FBXO28: variants seen among roughly 807,000 people sequenced by gnomAD.
FBXO28 encodes the protein F-box only protein 28.
Under a neutral mutation model 38.1 loss-of-function variants are expected in FBXO28, and 8 were observed. That is an observed-to-expected ratio of 0.21 (90% CI 0.12 to 0.38). The LOEUF (loss-of-function observed/expected upper bound fraction) is 0.38, where lower values mean the gene tolerates loss of function less well. FBXO28 is among the 10% of genes least tolerant of loss of function. The probability of loss-of-function intolerance (pLI) is 1.00; values close to 1 mark genes in which losing one functional copy is unlikely to be tolerated. For missense variants in FBXO28, 345 were observed against 460.6 expected (o/e 0.75, Z 2.30); for synonymous variants, 168 against 173.8 (o/e 0.97, Z 0.26).
chr1:224,138,105 A>G (rs1657239527), intron 3 of FBXO28, among the ~76,000 whole-genome samples: 1 of 151,372 alleles, frequency 6.6e-6, no homozygotes, highest in South Asian at 2.1e-4. Flanking sequence ...GCAGGCACCT[A>G]TAGTCCCAGC....
chr1:224,139,764 G>GCATGCATGCATACATACATACATACATA (rs1386239166), intron 3 of FBXO28, among the ~76,000 whole-genome samples: 13 of 145,936 alleles, frequency 8.9e-5, no homozygotes, highest in African/African-American at 1.6e-4. Context: ...ATGCATGCAT[G>GCATGCATGCATACATACATACATACATA]CATACATACA....
chr1:224,138,189 G>C (rs993617672), intron 3 of FBXO28, among the ~76,000 whole-genome samples: 1 of 151,586 alleles, frequency 6.6e-6, no homozygotes, highest in Non-Finnish European at 1.5e-5. Flanking sequence ...GATCACACTG[G>C]TGCACTCCAG....
At position 224,114,113 on chromosome 1, in the gene FBXO28, G is replaced by C. The variant is rs775916324; in HGVS notation, c.-17G>C. On this transcript the variant is annotated 5_prime_UTR_variant, in exon 1 of 5. Transcript: ENST00000366862. ...CCTGTTCCCCTTGCTGTGGGGGTAA[G>C]GAATCAAGCCCCCAAGATGGCGGCA... 1.9e-5 allele frequency: 29 copies of C among 1,526,740 alleles called. No homozygotes were observed. The highest frequency in any genetic ancestry group is 2.8e-5 in the African/African-American group (2 of 72,410). The allele number at this position is 1,526,740 out of a possible 1,614,324, so 94.6% of individuals were successfully genotyped here. A position where few individuals can be genotyped will look rare whatever the true frequency, so the allele number is the denominator to read the frequency against.
chr1:224,141,436 A>C (rs1190242779), intron 3 of FBXO28, among the ~76,000 whole-genome samples: 2 of 150,886 alleles, frequency 1.3e-5, no homozygotes, highest in African/African-American at 2.4e-5. Flanking sequence ...GCACCACTGC[A>C]CTCCAGCCTG....
At chr1:224,152,925 C>CAAAAAAAAAAAAAAAA (rs57616453) in intron 3 of FBXO28, among the ~76,000 whole-genome samples, 2 of 64,890 alleles carry the variant, frequency 3.1e-5, no homozygotes, top group African/African-American at 1.3e-4. Context: ...AACTCTGTCT[C>CAAAAAAAAAAAAAAAA]AAAAAAAAAA....
intron 3 of FBXO28, among the ~76,000 whole-genome samples, chr1:224,142,871 A>C (rs1657394814): frequency 6.6e-6 from 1 of 152,096 alleles, no homozygotes; most frequent in Non-Finnish European, 1.5e-5. Flanking sequence ...GCTTCAACCC[A>C]GGAGGCAGAG....
Position 224,157,944 on chromosome 1 carries a change from T to C in FBXO28, c.*198T>C, listed in dbSNP as rs1161390034. ...ACTGATGCACAGAATCTTTTTACTT[T>C]GCAATAGATTTGTACTAACCAGACC... On this transcript the variant is annotated 3_prime_UTR_variant, in exon 5 of 5. Coordinates refer to ENST00000366862, the MANE Select transcript of FBXO28 (RefSeq NM_015176.4). 7.2e-7 allele frequency: 1 copy of C among 1,397,808 alleles called. No individual in the cohort carries two copies. The highest frequency in any genetic ancestry group is 1.4e-5 in the African/African-American group (1 of 69,100). 86.6% of individuals were successfully genotyped at this position (1,397,808 alleles called of 1,614,324 possible).
At chr1:224,126,613 C>A (rs2048996) in intron 1 of FBXO28, among the ~76,000 whole-genome samples, 152,247 of 152,330 alleles carry the variant, frequency 1, 76,082 homozygotes, top group Middle Eastern at 1. Context: ...TCAGGAGTTC[C>A]AGACCAGCCT....
At chr1:224,151,390 G>A (rs1209704700) in intron 3 of FBXO28, among the ~76,000 whole-genome samples, 1 of 152,102 alleles carries the variant, frequency 6.6e-6, no homozygotes, top group African/African-American at 2.4e-5. Context: ...TTATGATAAG[G>A]ATACATCCTA....
chr1:224,114,619 G>T (rs904846636), intron 1 of FBXO28, among the ~76,000 whole-genome samples: 1 of 152,272 alleles, frequency 6.6e-6, no homozygotes, highest in Admixed American at 6.5e-5. Context: ...CTTCCTGAGG[G>T]GACTTCGCCT....
At chr1:224,135,630 A>AAAAAAAAAG (rs1553290016) in intron 3 of FBXO28, among the ~76,000 whole-genome samples, 66 of 115,772 alleles carry the variant, frequency 5.7e-4, no homozygotes, top group Non-Finnish European at 9.4e-4. Context: ...AAAAAAAAAA[A>AAAAAAAAAG]AAAAAGAAAA....
Position 224,136,783 on chromosome 1 carries a change from G to A in FBXO28, c.516+2571G>A, listed in dbSNP as rs779160035. Among the ~76,000 whole-genome samples the A allele has an allele frequency of 4.0e-5, 6 of 151,042 alleles. No homozygotes were observed. The South Asian group carries it at 6.3e-4, about 16-fold the overall frequency. Reference sequence around the variant, plus strand: ...GTTTTTGTTTTTGAGATGGGGTCTCGTTCTGTCGCCCAGGCTGGAGTCCAT... The same window carrying A: ...GTTTTTGTTTTTGAGATGGGGTCTCATTCTGTCGCCCAGGCTGGAGTCCAT... On this transcript the variant is annotated intron_variant, in intron 3 of 4. Coordinates refer to ENST00000366862, the MANE Select transcript of FBXO28 (RefSeq NM_015176.4).
intron 3 of FBXO28, among the ~76,000 whole-genome samples, chr1:224,150,556 T>C (rs999498131): frequency 6.6e-6 from 1 of 152,186 alleles, no homozygotes; most frequent in African/African-American, 2.4e-5. Flanking sequence ...GTAGCTAGCT[T>C]CCACAAATAT....
chr1:224,142,753 G>A (rs953387591), intron 3 of FBXO28, among the ~76,000 whole-genome samples: 5 of 151,942 alleles, frequency 3.3e-5, no homozygotes, highest in African/African-American at 7.3e-5. Context: ...AGTTTGAACC[G>A]GCCTGGGCAA....
chr1:224,158,802 T>G lies in FBXO28; in HGVS notation c.*1056T>G, dbSNP rs1657829755. On this transcript the variant is annotated 3_prime_UTR_variant, in exon 5 of 5. Transcript: ENST00000366862. ...CGACTTGCGGGATGCAGTTTTGCCATTGCAGCAAAGTTCATTGAGGAAAAT... is the reference window on the plus strand; with the variant it reads ...CGACTTGCGGGATGCAGTTTTGCCAGTGCAGCAAAGTTCATTGAGGAAAAT... The G allele has an allele frequency of 6.6e-6, 1 of 152,606 alleles. No homozygotes were observed. Among genetic ancestry groups the G allele is most frequent in the African/African-American group, 2.4e-5 (1 of 41,452 alleles). The allele number at this position is 152,606 out of a possible 1,614,324, so 9.5% of individuals were successfully genotyped here.
intron 1 of FBXO28, among the ~76,000 whole-genome samples, chr1:224,124,747 A>G (rs923317654): frequency 6.6e-6 from 1 of 152,152 alleles, no homozygotes; most frequent in Non-Finnish European, 1.5e-5. Context: ...CGTTTTTGAG[A>G]TGGAGTCTCG....
intron 1 of FBXO28, among the ~76,000 whole-genome samples, chr1:224,117,535 C>T (rs1656671529): frequency 6.6e-6 from 1 of 152,152 alleles, no homozygotes; most frequent in East Asian, 1.9e-4. Flanking sequence ...AAATATTTAA[C>T]TCCTCCAATG....
intron 3 of FBXO28, among the ~76,000 whole-genome samples, chr1:224,134,606 A>G (rs923910037): frequency 6.6e-6 from 1 of 152,186 alleles, no homozygotes; most frequent in African/African-American, 2.4e-5. Flanking sequence ...TGTTTGAGAA[A>G]TGTTTCATAA....
intron 2 of FBXO28, among the ~76,000 whole-genome samples, chr1:224,132,335 A>G (rs1264954298): frequency 6.6e-6 from 1 of 152,176 alleles, no homozygotes; most frequent in East Asian, 1.9e-4. Flanking sequence ...GGTGCTCAAC[A>G]TCATTAGTCG....
Sources: gnomAD v4.1 joint callset for allele counts (sites outside exome capture counted in the v4.1 genomes callset) on GRCh38, gnomAD v4.1.1 for gene constraint, MANE v1.5 for transcripts, NCBI Gene and HGNC (gene_info 2026-07-23, HGNC 2026-07-21) for gene names.